Variants in LRBA observed in about 807,000 individuals in gnomAD.
LRBA encodes the protein LPS responsive beige-like anchor protein, also known as lipopolysaccharide-responsive and beige-like anchor protein.
A neutral mutation model predicts 330.0 loss-of-function variants in LRBA; 176 were observed. The observed-to-expected ratio is 0.53, with a 90% CI of 0.47 to 0.60. The LOEUF (loss-of-function observed/expected upper bound fraction) is 0.60. LRBA is among the 20% of genes least tolerant of loss of function. The probability of loss-of-function intolerance (pLI) is 0.00; values close to 1 mark genes in which losing one functional copy is unlikely to be tolerated. For synonymous variants in LRBA, 1,230 were observed against 1,193.0 expected, an observed-to-expected ratio of 1.03 and a Z score of -0.64; for missense variants, 3,259 against 3,444.8, an observed-to-expected ratio of 0.95 and a Z score of 1.35.
At chr4:150,636,940 A>T (rs1777983567) in intron 37 of LRBA, among the ~76,000 whole-genome samples, 1 of 152,138 alleles carries the variant, frequency 6.6e-6, no homozygotes, top group Admixed American at 6.6e-5. Context: ...GAACTATCAC[A>T]CCTGGCTTAA....
At chr4:150,698,231 G>C (rs1784809350) in intron 36 of LRBA, among the ~76,000 whole-genome samples, 1 of 152,040 alleles carries the variant, frequency 6.6e-6, no homozygotes, top group African/African-American at 2.4e-5. Context: ...TTTTTAATTA[G>C]CTTAGTTTCT....
At chr4:150,818,061 T>C (rs1057469469) in intron 30 of LRBA, among the ~76,000 whole-genome samples, 1 of 152,130 alleles carries the variant, frequency 6.6e-6, no homozygotes, top group Non-Finnish European at 1.5e-5. Flanking sequence ...ATTCAATTTA[T>C]TTAATCACAT....
At chr4:150,839,215 G>A (rs531310656) in intron 28 of LRBA, among the ~76,000 whole-genome samples, 11 of 152,212 alleles carry the variant, frequency 7.2e-5, no homozygotes, top group African/African-American at 1.9e-4. Flanking sequence ...TTTGAATGGC[G>A]ATCATTAAAA....
intron 7 of LRBA, among the ~76,000 whole-genome samples, 197 bp from the exon 8 acceptor site, chr4:150,915,924 T>A (rs917334742): frequency 1.3e-5 from 2 of 152,132 alleles, no homozygotes; most frequent in African/African-American, 4.8e-5. Context: ...ACTTAATCAC[T>A]AGATCATTTT....
intron 29 of LRBA, among the ~76,000 whole-genome samples, chr4:150,828,922 G>GGTGTGTGTGTGTGTGTGT (rs753950457): frequency 2.8e-4 from 30 of 106,232 alleles, no homozygotes; most frequent in African/African-American, 7.2e-4. Context: ...CTTTTTTGGG[G>GGTGTGTGTGTGTGTGTGT]GTGTGTGTGT....
chr4:150,795,209 CA>C (rs1250626591), intron 34 of LRBA, among the ~76,000 whole-genome samples: 2 of 152,004 alleles, frequency 1.3e-5, no homozygotes, highest in Non-Finnish European at 2.9e-5. Flanking sequence ...GTCAAATGAA[CA>C]AGATACAAAC....
At chr4:150,617,139 GA>G (rs956642019) in intron 37 of LRBA, among the ~76,000 whole-genome samples, 4 of 151,850 alleles carry the variant, frequency 2.6e-5, no homozygotes, top group Admixed American at 2.0e-4. Context: ...AATGGTTCCT[GA>G]AAAAAAATTC....
intron 17 of LRBA, 51 bp from the exon 18 acceptor site, chr4:150,872,806 G>A (rs1753589363): frequency 4.5e-6 from 4 of 891,960 alleles, no homozygotes; most frequent in East Asian, 2.7e-5. Context: ...ATTTTTAAAT[G>A]GAAAGGTTTA....
At chr4:150,801,197 T>A (rs1322890849) in intron 33 of LRBA, among the ~76,000 whole-genome samples, 1 of 152,180 alleles carries the variant, frequency 6.6e-6, no homozygotes, top group Non-Finnish European at 1.5e-5. Context: ...TCAAGAAGTT[T>A]TACTCCATAT....
chr4:150,349,880 C>T, intron 48 of LRBA, 112 bp downstream of exon 48: 1 of 891,408 alleles, frequency 1.1e-6, no homozygotes, highest in Non-Finnish European at 1.7e-6. Flanking sequence ...CACTTTACAT[C>T]TAGTTTCACT....
chr4:150,773,487 A>C (rs1353373866), intron 34 of LRBA, among the ~76,000 whole-genome samples: 1 of 152,250 alleles, frequency 6.6e-6, no homozygotes, highest in African/African-American at 2.4e-5. Flanking sequence ...TTATGCTTAT[A>C]ATAATACACT....
chr4:150,778,268 T>G (rs916677694), intron 34 of LRBA, among the ~76,000 whole-genome samples: 5 of 152,180 alleles, frequency 3.3e-5, no homozygotes, highest in Admixed American at 1.3e-4. Flanking sequence ...TGTGAACATA[T>G]TCATCTAATA....
At chr4:150,640,953 T>G (rs748045970) in intron 37 of LRBA, among the ~76,000 whole-genome samples, 1 of 152,178 alleles carries the variant, frequency 6.6e-6, no homozygotes, top group Non-Finnish European at 1.5e-5. Flanking sequence ...TATCACATAT[T>G]ATATGTCTAA....
intron 37 of LRBA, among the ~76,000 whole-genome samples, chr4:150,664,973 C>G (rs1453518086): frequency 2.0e-5 from 3 of 152,092 alleles, no homozygotes; most frequent in Non-Finnish European, 2.9e-5. Flanking sequence ...TTCAATTATT[C>G]ACAAGGAATC....
At chr4:150,453,933 T>C (rs1368368599) in intron 44 of LRBA, among the ~76,000 whole-genome samples, 1 of 152,186 alleles carries the variant, frequency 6.6e-6, no homozygotes, top group South Asian at 2.1e-4. Context: ...GAATATTTCA[T>C]GTGAATGTTT....
Position 150,302,739 on chromosome 4 carries a change from G to A in LRBA, c.7903C>T (p.Arg2635Cys), listed in dbSNP as rs781028480. The change falls in exon 53 of 57, where the codon CGT becomes TGT. Residue 2635 changes from arginine to cysteine, a missense_variant. Physicochemically the swap from Arg to Cys is radical, Grantham distance 180 (BLOSUM62 -3). Coordinates refer to ENST00000651943, the MANE Select transcript of LRBA (RefSeq NM_001364905.1). ...GHWDVVTCLA[R>C]SESYIGGNCY... ...TTTCCCCCAATATATGACTCAGAAC[G>A]AGCAAGGCAAGTGACGACATCCCAA... 1.9e-5 allele frequency: 30 copies of A among 1,609,538 alleles called. No homozygotes were observed. Among genetic ancestry groups the A allele is most frequent in the Non-Finnish European group, 2.5e-5 (30 of 1,177,506 alleles).
chr4:150,908,889 T>A (rs1387857073), intron 9 of LRBA, 32 bp from the exon 10 acceptor site: 1 of 1,439,342 alleles, frequency 6.9e-7, no homozygotes, highest in Non-Finnish European at 9.7e-7. Context: ...TTAAATAGTA[T>A]GCCACAAAGA....
At chr4:150,638,812 A>G (rs1778193546) in intron 37 of LRBA, among the ~76,000 whole-genome samples, 4 of 113,954 alleles carry the variant, frequency 3.5e-5, no homozygotes. Flanking sequence ...TCAGGGATCT[A>G]GAACTAGAAA....
intron 37 of LRBA, among the ~76,000 whole-genome samples, chr4:150,662,981 C>CA (rs1157482275): frequency 1.0e-3 from 149 of 149,366 alleles, no homozygotes; most frequent in Non-Finnish European, 1.3e-3. Flanking sequence ...AACAAACAAA[C>CA]AAAAAAAAAC....
Sources: allele counts gnomAD v4.1 joint callset (sites outside exome capture counted in the v4.1 genomes callset), GRCh38; gene constraint gnomAD v4.1.1; transcripts MANE v1.5; gene names NCBI Gene and HGNC (gene_info 2026-07-23, HGNC 2026-07-21).